The following DNAH6 variants were observed in gnomAD, a reference collection of about 807,000 sequenced individuals.
DNAH6 encodes axonemal beta dynein heavy chain 6.
DNAH6 carries 340 observed loss-of-function variants against 491.4 expected under a neutral mutation model. That is an observed-to-expected ratio of 0.69 (90% CI 0.63 to 0.76). The LOEUF (loss-of-function observed/expected upper bound fraction) is 0.76. DNAH6 is among the 30% of genes least tolerant of loss of function. The probability of loss-of-function intolerance (pLI) is 0.00; values close to 1 mark genes in which losing one functional copy is unlikely to be tolerated. For missense variants in DNAH6, 4,443 were observed against 4,972.2 expected (o/e 0.89, Z 3.20); for synonymous variants, 1,603 against 1,686.1 (o/e 0.95, Z 1.21).
In DNAH6 at chr2:84,709,471, C is replaced by T; in HGVS notation, c.9177C>T (p.Asp3059=). Residue 3059 remains aspartate (D), a synonymous_variant, in exon 55 of 77, where the codon GAC becomes GAT. Transcript: ENST00000389394. ...GGAACACTGATGGGCTGCCCCGTGA[C>T]TTGATATCAACAGAAAATGGCATTT... ...RQWNTDGLPR[D]LISTENGILV... 6.4e-7 allele frequency: 1 copy of T among 1,551,596 alleles called. No individual in the cohort carries two copies. The highest frequency in any genetic ancestry group is 8.7e-7 in the Non-Finnish European group (1 of 1,147,004).
chr2:84,668,559 C>T (rs973367392), intron 37 of DNAH6, among the ~76,000 whole-genome samples: 2 of 152,088 alleles, frequency 1.3e-5, no homozygotes, highest in African/African-American at 4.8e-5. Flanking sequence ...TATTTCCAGC[C>T]TCATCTCACT....
chr2:84,488,938 G>A, the DNAH6 span, among the ~76,000 whole-genome samples: 127,424 of 151,906 alleles, frequency 0.84, 55,174 homozygotes, highest in East Asian at 0.99. Flanking sequence ...ATGAGTGGCA[G>A]GGAGCACAGA....
At chr2:84,644,197 A>G (rs1055738894) in intron 33 of DNAH6, among the ~76,000 whole-genome samples, 1 of 152,086 alleles carries the variant, frequency 6.6e-6, no homozygotes, top group Admixed American at 6.5e-5. Flanking sequence ...AGAGTTGGGT[A>G]ATTCCCTTCT....
intron 42 of DNAH6, among the ~76,000 whole-genome samples, chr2:84,683,612 C>T (rs1419747956): frequency 6.6e-6 from 1 of 151,514 alleles, no homozygotes; most frequent in Non-Finnish European, 1.5e-5. Flanking sequence ...TAGTAAAGAC[C>T]GGGTTTCGCC....
At position 84,557,728 on chromosome 2, in the gene DNAH6, T is replaced by C. The variant is rs766153680; in HGVS notation, c.1603-7T>C. On this transcript the variant is annotated splice_region_variant and splice_polypyrimidine_tract_variant and intron_variant, in intron 10 of 76. Transcript: ENST00000389394. ...CACATTTATGTTTATGCTTTTCTCTTTAACAGGATGGTATTTTGGGTGCAG... is the reference window on the plus strand; with the variant it reads ...CACATTTATGTTTATGCTTTTCTCTCTAACAGGATGGTATTTTGGGTGCAG... The C allele has an allele frequency of 6.4e-7, 1 of 1,550,826 alleles. No individual in the cohort carries two copies. The highest frequency in any genetic ancestry group is 1.2e-5 in the South Asian group (1 of 84,044).
rs34477648 is a variant in DNAH6, at chr2:84,681,742, G to GAA, written c.6916+228_6916+229dup. On this transcript the variant is annotated intron_variant, in intron 42 of 76. Transcript: ENST00000389394. ...CCCAGCTGATTACTTGTCTTTCACT[G>GAA]AAAAAAAAAAAAAAATAGAAGCAGT... Among the ~76,000 whole-genome samples, 904 of 132,558 alleles carry GAA rather than the reference G, an allele frequency of 6.8e-3. 11 individuals carry two copies. Among genetic ancestry groups the GAA allele is most frequent in the African/African-American group, 0.023 (861 of 36,748 alleles). The allele number at this position is 132,558 out of a possible 152,430, so 87.0% of individuals were successfully genotyped here. A position where few individuals can be genotyped will look rare whatever the true frequency, so the allele number is the denominator to read the frequency against.
chr2:84,623,553 G>A (rs942239793), intron 26 of DNAH6, among the ~76,000 whole-genome samples: 3 of 152,066 alleles, frequency 2.0e-5, no homozygotes, highest in Non-Finnish European at 4.4e-5. Flanking sequence ...TGAAGTAAGA[G>A]AAAACACTCT....
At position 84,677,104 on chromosome 2, in the gene DNAH6, C is replaced by T. The variant is rs1225012567; in HGVS notation, c.6712C>T (p.Pro2238Ser). 1 of 1,551,734 alleles carries T rather than the reference C, an allele frequency of 6.4e-7. No individual in the cohort carries two copies. The highest frequency in any genetic ancestry group is 1.2e-5 in the South Asian group (1 of 84,062). ...RHFSMLCLPM[P>S]SEHSLKQIFQ... ...CTTCAGCATGCTGTGCCTCCCAATGCCCTCAGAGCACAGTCTGAAACAGAT... is the reference window on the plus strand; with the variant it reads ...CTTCAGCATGCTGTGCCTCCCAATGTCCTCAGAGCACAGTCTGAAACAGAT... The change falls in exon 41 of 77, where the codon CCC (proline) becomes TCC (serine). Residue 2238 changes from proline to serine, a missense_variant. Physicochemically the swap from Pro to Ser is moderately conservative, Grantham distance 74. Transcript: ENST00000389394.
Position 84,813,990 on chromosome 2 carries a change from T to C in DNAH6, c.12018T>C (p.Ala4006=), listed in dbSNP as rs369895436. 31 of 1,551,600 alleles carry C rather than the reference T, an allele frequency of 2.0e-5. No homozygotes were observed. In the African/African-American group the frequency reaches 4.1e-4, roughly 21 times the overall value. The stretch of plus-strand genomic sequence containing the variant: ...TTACAGGAACTCTTCAAAATCATGC[T>C]CGAAAATACAATTTGCCTATAGATG... ...GFLTGTLQNH[A]RKYNLPIDEL... is the part of the protein sequence containing the mutation. The change falls in exon 75 of 77, where the codon GCT becomes GCC. Residue 4006 remains alanine (A), a synonymous_variant. Coordinates refer to ENST00000389394, the MANE Select transcript of DNAH6 (RefSeq NM_001370.2).
At chr2:84,537,016 T>C (rs896117672) in intron 4 of DNAH6, among the ~76,000 whole-genome samples, 2 of 152,128 alleles carry the variant, frequency 1.3e-5, no homozygotes, top group African/African-American at 4.8e-5. Context: ...CTGCAGTTTA[T>C]ATCAGTGTGC....
At chr2:84,520,794 T>C (rs1209253940) in intron 2 of DNAH6, among the ~76,000 whole-genome samples, 1 of 152,170 alleles carries the variant, frequency 6.6e-6, no homozygotes, top group Non-Finnish European at 1.5e-5. Context: ...TACCACATTT[T>C]CTTTATCCAG....
At chr2:84,775,841 G>T (rs1230595968) in intron 64 of DNAH6, among the ~76,000 whole-genome samples, 1 of 152,048 alleles carries the variant, frequency 6.6e-6, no homozygotes, top group Non-Finnish European at 1.5e-5. Flanking sequence ...TTGTATTTCT[G>T]TAGCATTGGT....
intron 61 of DNAH6, among the ~76,000 whole-genome samples, chr2:84,728,437 AG>A (rs1389410636): frequency 6.6e-6 from 1 of 152,210 alleles, no homozygotes; most frequent in African/African-American, 2.4e-5. Flanking sequence ...GTTATAACTC[AG>A]CTCTGCCTCC....
At chr2:84,756,153 T>C (rs1673992183) in intron 63 of DNAH6, among the ~76,000 whole-genome samples, 1 of 152,174 alleles carries the variant, frequency 6.6e-6, no homozygotes, top group South Asian at 2.1e-4. Context: ...CCTTATCAGG[T>C]TGAGGAAGTT....
intron 60 of DNAH6, 136 bp downstream of exon 60, chr2:84,722,940 G>A: frequency 1.7e-6 from 1 of 575,952 alleles, no homozygotes; most frequent in Non-Finnish European, 2.8e-6. Flanking sequence ...GTTCAAGAGT[G>A]GTTCCAGCCA....
At chr2:84,488,640 T>A in the DNAH6 span, among the ~76,000 whole-genome samples, 1 of 152,124 alleles carries the variant, frequency 6.6e-6, no homozygotes, top group Non-Finnish European at 1.5e-5. Context: ...GCCTCCTCCC[T>A]CTTATGTAGA....
intron 76 of DNAH6, among the ~76,000 whole-genome samples, chr2:84,817,895 C>G (rs968415070): frequency 6.6e-6 from 1 of 152,178 alleles, no homozygotes; most frequent in African/African-American, 2.4e-5. Context: ...GCTCACCCCC[C>G]ATTCCAAGGA....
rs1194489362 is a variant in DNAH6, at chr2:84,624,608, T to C, written c.4341T>C (p.Ile1447=). The part of the protein sequence containing the change: ...EYLGACPRLV[I]TPLTDRCYLC... ...TGGGTGCATGCCCAAGATTGGTTAT[T>C]ACTCCACTCACAGTAAGTTATTGAT... The change falls in exon 28 of 77, where the codon ATT becomes ATC. Residue 1447 remains isoleucine, a synonymous_variant. Transcript: ENST00000389394. 2.6e-6 allele frequency: 4 copies of C among 1,551,368 alleles called. No individual in the cohort carries two copies. The African/African-American group carries it at 5.5e-5, about 21-fold the overall frequency.
rs1173612257 is a variant in DNAH6 at position 84,713,080 on chromosome 2, GT to G, written c.9379-11del. 6.5e-7 allele frequency: 1 copy of G among 1,545,034 alleles called. No individual in the cohort carries two copies. The highest frequency in any genetic ancestry group is 8.7e-7 in the Non-Finnish European group (1 of 1,144,440). ...GCTTCTTTTTGTATTGTCCTGTTTT[GT>G]TTTAATTTCTAAGCTTAAGGAAACC... On this transcript the variant is annotated splice_polypyrimidine_tract_variant and intron_variant, in intron 56 of 76. Coordinates refer to ENST00000389394, the MANE Select transcript of DNAH6 (RefSeq NM_001370.2).
Sources: gnomAD v4.1 joint callset for allele counts (sites outside exome capture counted in the v4.1 genomes callset) on GRCh38, gnomAD v4.1.1 for gene constraint, MANE v1.5 for transcripts, NCBI Gene and HGNC (gene_info 2026-07-23, HGNC 2026-07-21) for gene names.